Variants in WDR27 observed in about 807,000 individuals in gnomAD.
The protein encoded by WDR27 is WD repeat-containing protein 27.
WDR27 carries 100 observed loss-of-function variants against 114.4 expected under a neutral mutation model. The ratio of observed to expected loss-of-function variants is 0.87; its 90% CI spans 0.74 to 1.03. The LOEUF is 1.03. Among genes scored for constraint, WDR27 ranks in the 50% least tolerant of loss-of-function variants. The pLI is 0.00. For synonymous variants in WDR27, 449 were observed against 423.1 expected (o/e 1.06, Z -0.75); for missense variants, 1,129 against 1,092.9 (o/e 1.03, Z -0.47).
chr6:169,596,322 A>T (rs1466640032), intron 23 of WDR27, among the ~76,000 whole-genome samples: 1 of 151,426 alleles, frequency 6.6e-6, no homozygotes, highest in East Asian at 1.9e-4. Flanking sequence ...TTCTTTATTT[A>T]CTTCTCTCAT....
chr6:169,634,764 A>G (rs893656702), intron 19 of WDR27, among the ~76,000 whole-genome samples: 2 of 152,154 alleles, frequency 1.3e-5, no homozygotes, highest in African/African-American at 4.8e-5. Context: ...AAGATCCCCC[A>G]CGCCGTCCTC....
In WDR27 at chr6:169,664,709, T is replaced by C. The variant is rs1475293124; in HGVS notation, c.784-423A>G. On this transcript the variant is annotated intron_variant, in intron 7 of 25. Transcript: ENST00000448612. ...AAATCTAAGTTTTCAAAATTATCTT[T>C]TTCAAATTATAAAAACAGCAACTTT... 4.0e-6 allele frequency: 4 copies of C among 1,001,848 alleles called. No homozygotes were observed. The East Asian group carries it at 3.2e-4, about 81-fold the overall frequency. 62.1% of individuals were successfully genotyped at this position (1,001,848 alleles called of 1,614,324 possible). A position where few individuals can be genotyped will look rare whatever the true frequency, so the allele number is the denominator to read the frequency against.
intron 17 of WDR27, among the ~76,000 whole-genome samples, chr6:169,642,872 C>T (rs1320364938): frequency 3.3e-5 from 5 of 152,204 alleles, no homozygotes; most frequent in African/African-American, 7.2e-5. Flanking sequence ...GTCCCATATT[C>T]GCAATGCTTG....
chr6:169,627,797 C>T (rs1463822072), intron 21 of WDR27, among the ~76,000 whole-genome samples: 2 of 152,184 alleles, frequency 1.3e-5, no homozygotes, highest in East Asian at 1.9e-4. Context: ...AGGAACTAGG[C>T]AGGCCTGGAG....
chr6:169,610,771 T>C (rs927698693), intron 22 of WDR27, among the ~76,000 whole-genome samples: 1 of 152,210 alleles, frequency 6.6e-6, no homozygotes, highest in Non-Finnish European at 1.5e-5. Flanking sequence ...GAGGCCATTA[T>C]TTTAAGTGAA....
intron 25 of WDR27, among the ~76,000 whole-genome samples, chr6:169,466,507 A>C (rs540359197): frequency 6.6e-6 from 1 of 152,348 alleles, no homozygotes; most frequent in South Asian, 2.1e-4. Flanking sequence ...ACTCATCATC[A>C]TGAGAACAAA....
chr6:169,475,839 AAT>A (rs1330768178), intron 25 of WDR27, among the ~76,000 whole-genome samples: 2 of 152,064 alleles, frequency 1.3e-5, no homozygotes, highest in African/African-American at 4.8e-5. Flanking sequence ...TTAATTCTCT[AAT>A]AGGGAAAATA....
rs746858299 is a variant in WDR27 at position 169,672,383 on chromosome 6, C to T, written c.203G>A (p.Arg68Gln). The T allele has an allele frequency of 1.0e-5, 16 of 1,603,754 alleles. No homozygotes were observed. Among genetic ancestry groups the T allele is most frequent in the Middle Eastern group, 1.7e-4 (1 of 6,056 alleles). Residue 68 changes from arginine (R) to glutamine (Q), a missense_variant, in exon 3 of 26, where the codon CGA (arginine) becomes CAA (glutamine). Coordinates refer to ENST00000448612, the MANE Select transcript of WDR27 (RefSeq NM_182552.5). ...KDPSHQLLIL[R>Q]GHHQPITAMA... ...AGCAGTAATTGGCTGATGGTGTCCT[C>T]GTAGGATTAGAAGCTGGGAAAATTA...
chr6:169,464,241 T>C (rs1048484116), intron 25 of WDR27, among the ~76,000 whole-genome samples: 1 of 152,098 alleles, frequency 6.6e-6, no homozygotes, highest in Non-Finnish European at 1.5e-5. Flanking sequence ...CATATATGGG[T>C]CAAATTATTT....
At chr6:169,542,480 A>C (rs1796950610) in intron 25 of WDR27, among the ~76,000 whole-genome samples, 1 of 152,184 alleles carries the variant, frequency 6.6e-6, no homozygotes, top group African/African-American at 2.4e-5. Context: ...TGTCAAGGTC[A>C]AGAAAGACAG....
At chr6:169,661,186 G>A (rs1446522415) in intron 9 of WDR27, among the ~76,000 whole-genome samples, 5 of 152,234 alleles carry the variant, frequency 3.3e-5, no homozygotes, top group African/African-American at 9.6e-5. Context: ...GAAGACGCTC[G>A]CTCTGACCTC....
chr6:169,490,621 A>G (rs1583744542), intron 25 of WDR27, among the ~76,000 whole-genome samples: 1 of 152,234 alleles, frequency 6.6e-6, no homozygotes, highest in Admixed American at 6.5e-5. Flanking sequence ...TACTCTCTCA[A>G]TATCTGTTCT....
intron 25 of WDR27, among the ~76,000 whole-genome samples, chr6:169,547,220 C>G (rs977687920): frequency 6.6e-6 from 1 of 152,054 alleles, no homozygotes; most frequent in African/African-American, 2.4e-5. Context: ...GATGGGTTCA[C>G]TGGTGAATTA....
chr6:169,558,420 T>A (rs1056672), intron 25 of WDR27: 45,462 of 152,054 alleles, frequency 0.3, 7,633 homozygotes, highest in African/African-American at 0.44. Flanking sequence ...CACTGCTGGA[T>A]TGCTGAGTTC....
At chr6:169,646,959 T>C (rs1441726930) in intron 16 of WDR27, among the ~76,000 whole-genome samples, 1 of 152,198 alleles carries the variant, frequency 6.6e-6, no homozygotes, top group Non-Finnish European at 1.5e-5. Context: ...GAGTGGTACA[T>C]GGTAACCCTT....
At chr6:169,662,674 G>A in intron 8 of WDR27, among the ~76,000 whole-genome samples, 1 of 144,560 alleles carries the variant, frequency 6.9e-6, no homozygotes, top group Non-Finnish European at 1.5e-5. Context: ...GGAGCATTCG[G>A]ATCACGTGTC....
intron 9 of WDR27, 61 bp downstream of exon 9, chr6:169,662,243 T>C (rs1457493613): frequency 6.4e-7 from 1 of 1,571,386 alleles, no homozygotes; most frequent in African/African-American, 1.4e-5. Flanking sequence ...GAACCTAATG[T>C]TCATCTAAGG....
At chr6:169,634,354 G>T in intron 20 of WDR27, 74 bp downstream of exon 20, 1 of 1,116,636 alleles carries the variant, frequency 9.0e-7, no homozygotes, top group Non-Finnish European at 1.3e-6. Context: ...CTCACGAGAT[G>T]CTCAGCACAT....
intron 4 of WDR27, chr6:169,668,806 A>G (rs546450985): frequency 2.0e-5 from 3 of 152,504 alleles, no homozygotes; most frequent in Non-Finnish European, 4.4e-5. Flanking sequence ...CTTAATATAC[A>G]TGCAGAAAAA....
Sources: allele counts gnomAD v4.1 joint callset (sites outside exome capture counted in the v4.1 genomes callset), GRCh38; gene constraint gnomAD v4.1.1; transcripts MANE v1.5; gene names NCBI Gene and HGNC (gene_info 2026-07-23, HGNC 2026-07-21).